The following DCLK1 variants were observed in gnomAD, a reference collection of about 807,000 sequenced individuals.
The protein encoded by DCLK1 is serine/threonine-protein kinase DCLK1.
A neutral mutation model predicts 86.2 loss-of-function variants in DCLK1; 16 were observed. That is an observed-to-expected ratio of 0.19 (90% CI 0.13 to 0.28). The LOEUF (loss-of-function observed/expected upper bound fraction) is 0.28. Among genes scored for constraint, DCLK1 ranks in the 10% least tolerant of loss-of-function variants. The pLI is 1.00. For missense variants in DCLK1, 590 were observed against 940.2 expected (o/e 0.63, Z 4.87); for synonymous variants, 369 against 370.5 (o/e 1.00, Z 0.05).
At chr13:36,115,328 T>TAAAAAAACAAACAAAC (rs10627322) in intron 2 of DCLK1, among the ~76,000 whole-genome samples, 1 of 151,632 alleles carries the variant, frequency 6.6e-6, no homozygotes, top group Admixed American at 6.6e-5. Context: ...GAATTTATCT[T>TAAAAAAACAAACAAAC]AAACAAACAA....
chr13:35,916,613 T>C (rs1875428652), intron 4 of DCLK1, among the ~76,000 whole-genome samples: 1 of 152,172 alleles, frequency 6.6e-6, no homozygotes, highest in Non-Finnish European at 1.5e-5. Flanking sequence ...TCTCTCTTTC[T>C]CCTCCTTCCT....
intron 16 of DCLK1, chr13:35,788,048 G>A (rs886411351): frequency 2.9e-6 from 2 of 695,782 alleles, no homozygotes; most frequent in Non-Finnish European, 2.6e-6. Flanking sequence ...AAAAAGGAAT[G>A]AGGGGGTGTG....
chr13:35,897,844 T>C (rs1024092127), intron 4 of DCLK1, among the ~76,000 whole-genome samples: 1 of 152,206 alleles, frequency 6.6e-6, no homozygotes. Context: ...CTGATAAAAC[T>C]GTACTTGATA....
intron 3 of DCLK1, among the ~76,000 whole-genome samples, chr13:36,110,702 A>T (rs955396900): frequency 6.1e-4 from 93 of 152,270 alleles, no homozygotes; most frequent in Admixed American, 9.8e-4. Context: ...CCTCAAAAAA[A>T]ATTTTTTAAA....
chr13:35,938,705 G>T (rs1322843668), intron 4 of DCLK1, among the ~76,000 whole-genome samples: 1 of 152,034 alleles, frequency 6.6e-6, no homozygotes, highest in East Asian at 1.9e-4. Context: ...AAGGGTTCCA[G>T]TTGGGGATGG....
chr13:35,963,845 T>A (rs1284292982), intron 3 of DCLK1, among the ~76,000 whole-genome samples: 1 of 152,186 alleles, frequency 6.6e-6, no homozygotes, highest in Non-Finnish European at 1.5e-5. Flanking sequence ...CTGCCACAAT[T>A]GTAAGTTTCC....
intron 4 of DCLK1, among the ~76,000 whole-genome samples, chr13:35,941,678 T>C (rs1264777799): frequency 6.6e-6 from 1 of 151,790 alleles, no homozygotes; most frequent in Non-Finnish European, 1.5e-5. Context: ...ACTTCAGAAT[T>C]ATAAACACAG....
chr13:35,973,238 T>C (rs1879157316), intron 3 of DCLK1, among the ~76,000 whole-genome samples: 1 of 152,134 alleles, frequency 6.6e-6, no homozygotes, highest in African/African-American at 2.4e-5. Flanking sequence ...GCGAGGCACA[T>C]GCAGAGGTCA....
intron 3 of DCLK1, among the ~76,000 whole-genome samples, chr13:36,043,324 T>C (rs567937164): frequency 1.5e-4 from 23 of 151,420 alleles, no homozygotes; most frequent in African/African-American, 5.6e-4. Flanking sequence ...TCCTAGAAAT[T>C]TAAAAAAAAA....
intron 3 of DCLK1, among the ~76,000 whole-genome samples, chr13:36,084,223 C>T (rs559011777): frequency 2.6e-5 from 4 of 152,086 alleles, no homozygotes; most frequent in Non-Finnish European, 4.4e-5. Context: ...TAAGGAAAAA[C>T]ACTAGATGCA....
rs368116002 is a variant in DCLK1, at chr13:35,822,867, G to A, written c.1416C>T (p.Asp472=). 3 of 1,613,736 alleles carry A rather than the reference G, an allele frequency of 1.9e-6. No individual in the cohort carries two copies. The Admixed American group carries it at 5.0e-5, about 27-fold the overall frequency. Residue 472 remains aspartate (D), a synonymous_variant, in exon 11 of 17, where the codon GAC becomes GAT. Transcript: ENST00000360631. Reference sequence around the variant, plus strand: ...TAGTGGAAGTAATGGCATCAAAAAGGTCTCCCCCCTGAGAAGAGAACAGAA... The same window carrying A: ...TAGTGGAAGTAATGGCATCAAAAAGATCTCCCCCCTGAGAAGAGAACAGAA... The part of the protein sequence containing the change: ...YLVMELVKGG[D]LFDAITSTNK...
At chr13:35,952,973 A>G (rs1877786212) in intron 3 of DCLK1, among the ~76,000 whole-genome samples, 1 of 152,200 alleles carries the variant, frequency 6.6e-6, no homozygotes, top group Non-Finnish European at 1.5e-5. Context: ...AACTTGGATG[A>G]GTGACTTAAA....
intron 7 of DCLK1, among the ~76,000 whole-genome samples, chr13:35,836,528 G>A (rs565972483): frequency 2.0e-5 from 3 of 152,306 alleles, no homozygotes; most frequent in East Asian, 3.9e-4. Context: ...GGCAACCGCA[G>A]TTCGCAAGGG....
chr13:35,854,796 G>A (rs1479547159), intron 5 of DCLK1, among the ~76,000 whole-genome samples: 1 of 152,188 alleles, frequency 6.6e-6, no homozygotes. Flanking sequence ...GTTTCATAGA[G>A]CAGCAGGTTA....
intron 3 of DCLK1, among the ~76,000 whole-genome samples, chr13:36,057,713 G>A (rs943775253): frequency 1.6e-4 from 24 of 152,308 alleles, no homozygotes; most frequent in African/African-American, 5.5e-4. Context: ...TTAAAGCCAT[G>A]CTCTGCAGCC....
intron 4 of DCLK1, among the ~76,000 whole-genome samples, chr13:35,918,913 A>C (rs547449967): frequency 0.028 from 94 of 3,340 alleles, 1 homozygote; most frequent in African/African-American, 0.041. Flanking sequence ...TTTTTTTGGA[A>C]ACGGAGTCTC....
chr13:36,039,336 G>A (rs994961913), intron 3 of DCLK1, among the ~76,000 whole-genome samples: 2 of 152,168 alleles, frequency 1.3e-5, no homozygotes, highest in African/African-American at 4.8e-5. Context: ...TAATCTGGTA[G>A]GATTTCTTCT....
chr13:36,080,534 A>C (rs1355537375), intron 3 of DCLK1, among the ~76,000 whole-genome samples: 3 of 152,190 alleles, frequency 2.0e-5, no homozygotes, highest in African/African-American at 7.2e-5. Context: ...GCTGAAATTG[A>C]ATTACTACCT....
At chr13:36,056,033 T>A (rs1883293561) in intron 3 of DCLK1, among the ~76,000 whole-genome samples, 1 of 149,492 alleles carries the variant, frequency 6.7e-6, no homozygotes, top group African/African-American at 2.5e-5. Context: ...GTAAACTAGT[T>A]CAACCATTGT....
Sources: allele counts gnomAD v4.1 joint callset (sites outside exome capture counted in the v4.1 genomes callset), GRCh38; gene constraint gnomAD v4.1.1; transcripts MANE v1.5; gene names NCBI Gene and HGNC (gene_info 2026-07-23, HGNC 2026-07-21).